The following CUL2 variants were observed in gnomAD, a reference collection of about 807,000 sequenced individuals.
CUL2 encodes the protein cullin 2.
CUL2 carries 22 observed loss-of-function variants against 110.2 expected under a neutral mutation model. The observed-to-expected ratio is 0.20, with a 90% CI of 0.14 to 0.28. The LOEUF is 0.28. Among genes scored for constraint, CUL2 ranks in the 10% least tolerant of loss-of-function variants. The pLI is 1.00. For synonymous variants in CUL2, 279 were observed against 293.2 expected (o/e 0.95, Z 0.49); for missense variants, 631 against 905.5 (o/e 0.70, Z 3.89).
chr10:35,029,633 C>A lies in CUL2; in HGVS notation c.1394G>T (p.Cys465Phe). 6.3e-7 allele frequency: 1 copy of A among 1,584,524 alleles called. No homozygotes were observed. The highest frequency in any genetic ancestry group is 8.5e-7 in the Non-Finnish European group (1 of 1,171,226). ...TAGCTTGCTGGTAAACTCATAACCA[C>A]AGGCTTGCTATAAAAAAGTTTTAGA... ...EAMINKLKQA[C>F]GYEFTSKLHR... The change falls in exon 15 of 21, where the codon TGT becomes TTT. Residue 465 changes from cysteine to phenylalanine, a missense_variant. By Grantham distance (205) the Cys-to-Phe change is radical. Coordinates refer to ENST00000374749, the MANE Select transcript of CUL2 (RefSeq NM_003591.4).
Position 35,031,775 on chromosome 10 carries a change from C to T in CUL2, c.1171-156G>A, listed in dbSNP as rs148149218. On this transcript the variant is annotated intron_variant, in intron 12 of 20. Transcript: ENST00000374749. This position sits in a 1 kb window ranked among gnomAD's most constrained non-coding sequence, Gnocchi z 4.4. ...CTTGCTCTGTTGCCAGGCTGGATTG[C>T]AGTGGACAAGATCATAGCTCACTGC... 6.6e-6 allele frequency among the ~76,000 whole-genome samples: 1 copy of T among 152,200 alleles called. No individual in the cohort carries two copies. The highest frequency in any genetic ancestry group is 2.4e-5 in the African/African-American group (1 of 41,524).
At chr10:35,061,461 CA>C (rs11347736) in intron 3 of CUL2, among the ~76,000 whole-genome samples, 33,376 of 97,360 alleles carry the variant, frequency 0.34, 3,436 homozygotes, top group Non-Finnish European at 0.38. Context: ...CTCTGTCTCC[CA>C]AAAAAAAAAA....
intron 1 of CUL2, among the ~76,000 whole-genome samples, chr10:35,073,576 T>G (rs1439944025): frequency 6.6e-6 from 1 of 151,908 alleles, no homozygotes; most frequent in African/African-American, 2.4e-5. Context: ...CCCCATTTTC[T>G]TTTCTTTTCT....
At chr10:35,065,788 G>A (rs533693407) in intron 2 of CUL2, among the ~76,000 whole-genome samples, 1 of 151,758 alleles carries the variant, frequency 6.6e-6, no homozygotes, top group African/African-American at 2.4e-5. Flanking sequence ...AAACTCAGGA[G>A]GCGGAGGTTG....
At chr10:35,022,396 T>A (rs751890321) in intron 17 of CUL2, among the ~76,000 whole-genome samples, 1 of 152,178 alleles carries the variant, frequency 6.6e-6, no homozygotes, top group Non-Finnish European at 1.5e-5. Flanking sequence ...AACCTTTTCT[T>A]GGGTATTCCA....
chr10:35,088,379 G>A (rs553750488), intron 1 of CUL2, among the ~76,000 whole-genome samples: 7 of 151,804 alleles, frequency 4.6e-5, no homozygotes, highest in Admixed American at 6.6e-5. Context: ...GTGGTGACGT[G>A]CGCCTGTAGT....
At chr10:35,053,455 ATCAT>A (rs1392509963) in intron 5 of CUL2, among the ~76,000 whole-genome samples, 1 of 152,234 alleles carries the variant, frequency 6.6e-6, no homozygotes, top group Non-Finnish European at 1.5e-5. Context: ...TTATAACAAA[ATCAT>A]ATCATATATA....
chr10:35,060,978 G>C lies in CUL2; in HGVS notation c.223-10C>G, dbSNP rs1322296920. On this transcript the variant is annotated splice_polypyrimidine_tract_variant and intron_variant, in intron 3 of 20. Transcript: ENST00000374749. ...CTGACTCCAAAACTCTCTATATAAA[G>C]AGGAAAAATATTTTTACTTGAAAAG... 1.9e-6 allele frequency: 3 copies of C among 1,598,312 alleles called. No individual in the cohort carries two copies. The highest frequency in any genetic ancestry group is 3.4e-4 in the Middle Eastern group (2 of 5,962).
chr10:35,019,388 C>T (rs923594945), intron 17 of CUL2, among the ~76,000 whole-genome samples: 2 of 152,128 alleles, frequency 1.3e-5, no homozygotes, highest in African/African-American at 2.4e-5. Flanking sequence ...TTTTTCAATA[C>T]TCTACCAGGG....
Position 35,044,696 on chromosome 10 carries a change from C to G in CUL2, c.604-20G>C. 6.3e-7 allele frequency: 1 copy of G among 1,586,178 alleles called. No individual in the cohort carries two copies. Among genetic ancestry groups the G allele is most frequent in the Non-Finnish European group, 8.6e-7 (1 of 1,159,004 alleles). ...ATAAAACTGAATAAATCAATTACAT[C>G]ATATTAGAAGAAATTAGAACAAGCA... On this transcript the variant is annotated intron_variant, in intron 7 of 20. Transcript: ENST00000374749.
intron 10 of CUL2, 119 bp from the exon 11 acceptor site, chr10:35,033,392 A>G: frequency 3.0e-6 from 2 of 659,040 alleles, no homozygotes; most frequent in Non-Finnish European, 5.2e-6. Context: ...TCACACATGC[A>G]CACTTCTCAG....
At chr10:35,036,636 A>C (rs1395980958) in intron 9 of CUL2, among the ~76,000 whole-genome samples, 1 of 152,164 alleles carries the variant, frequency 6.6e-6, no homozygotes, top group Non-Finnish European at 1.5e-5. Context: ...GGTATCTTCT[A>C]TTCTGCAGTG....
intron 2 of CUL2, chr10:35,099,580 C>T (rs12778629): frequency 0.14 from 20,536 of 151,720 alleles, 1,584 homozygotes; most frequent in South Asian, 0.2. Flanking sequence ...GCTTAGTCAA[C>T]GTGGTGAAAG....
upstream of CUL2, among the ~76,000 whole-genome samples, chr10:35,094,914 A>G (rs2087273088): frequency 3.3e-5 from 5 of 152,314 alleles, no homozygotes; most frequent in South Asian, 1.0e-3. Flanking sequence ...ATCCTAGTTC[A>G]TCTATGATTG....
intron 1 of CUL2, among the ~76,000 whole-genome samples, chr10:35,085,382 A>G (rs1387284517): frequency 3.3e-5 from 5 of 151,540 alleles, no homozygotes; most frequent in South Asian, 2.1e-4. Flanking sequence ...GTGAGCTGAG[A>G]TCGCGCCACT....
chr10:35,060,859 TA>T lies in CUL2; in HGVS notation c.317+14del. On this transcript the variant is annotated intron_variant, in intron 4 of 20. Coordinates refer to ENST00000374749, the MANE Select transcript of CUL2 (RefSeq NM_003591.4). ...AACGCTGCTTAGCTTGTCTAGATTT[TA>T]AAGGCACACTCACCTATATAAGCAG... 2 of 1,597,340 alleles carry T rather than the reference TA, an allele frequency of 1.3e-6. No individual in the cohort carries two copies. Among genetic ancestry groups the T allele is most frequent in the Non-Finnish European group, 8.5e-7 (1 of 1,172,886 alleles).
In CUL2 at chr10:35,081,136, T is replaced by C. The variant is rs573979055; in HGVS notation, c.-23+9043A>G. On this transcript the variant is annotated intron_variant, in intron 1 of 20. Coordinates refer to ENST00000374749, the MANE Select transcript of CUL2 (RefSeq NM_003591.4). Reference sequence around the variant, plus strand: ...CTACTCAGGAGGCTAAGGTGGGAGCTTGGCTTGAGCAAAGGAGACTTCAAG... The same window carrying C: ...CTACTCAGGAGGCTAAGGTGGGAGCCTGGCTTGAGCAAAGGAGACTTCAAG... Among the ~76,000 whole-genome samples, 3 of 152,102 alleles carry C rather than the reference T, an allele frequency of 2.0e-5. No homozygotes were observed. The East Asian group carries it at 5.8e-4, about 30-fold the overall frequency.
At chr10:35,039,106 C>A in intron 8 of CUL2, 24 bp from the exon 9 acceptor site, 1 of 1,473,254 alleles carries the variant, frequency 6.8e-7, no homozygotes. Context: ...TTCTTACAGT[C>A]ATGAACACAA....
At chr10:35,124,195 T>C (rs1328977030) in intron 1 of CUL2, among the ~76,000 whole-genome samples, 1 of 152,038 alleles carries the variant, frequency 6.6e-6, no homozygotes, top group African/African-American at 2.4e-5. Flanking sequence ...GTAAATACAT[T>C]TAAAAAATAA....
Sources: gnomAD v4.1 joint callset for allele counts (sites outside exome capture counted in the v4.1 genomes callset) on GRCh38, gnomAD v4.1.1 for gene constraint, Gnocchi (gnomAD v3.1) non-coding constraint, MANE v1.5 for transcripts, NCBI Gene and HGNC (gene_info 2026-07-23, HGNC 2026-07-21) for gene names.